Variants in RAD51B observed in about 807,000 individuals in gnomAD.
RAD51B encodes RAD51 paralog B, also known as DNA repair protein RAD51 homolog 2.
Under a neutral mutation model 42.2 loss-of-function variants are expected in RAD51B, and 38 were observed. The ratio of observed to expected loss-of-function variants is 0.90; its 90% confidence interval spans 0.70 to 1.18. The LOEUF is 1.18. Ranked by LOEUF, RAD51B falls within the 50% of genes most tolerant of loss-of-function variation. The pLI, the probability that RAD51B is intolerant of heterozygous loss-of-function variation, is 0.00. For missense variants in RAD51B, 373 were observed against 400.7 expected, an observed-to-expected ratio of 0.93 and a Z score of 0.59; for synonymous variants, 154 against 145.2, an observed-to-expected ratio of 1.06 and a Z score of -0.43.
At chr14:67,974,247 G>A (rs1433955877) in intron 7 of RAD51B, among the ~76,000 whole-genome samples, 1 of 151,978 alleles carries the variant, frequency 6.6e-6, no homozygotes, top group Non-Finnish European at 1.5e-5. Flanking sequence ...AAATTTTAGG[G>A]AATTACAATG....
At chr14:67,949,943 C>T (rs541579127) in intron 7 of RAD51B, among the ~76,000 whole-genome samples, 29 of 152,186 alleles carry the variant, frequency 1.9e-4, no homozygotes, top group African/African-American at 4.8e-4. Flanking sequence ...GTCTTAACAG[C>T]GGGCTTAAAA....
At chr14:68,610,455 AC>A (rs1476972887) in intron 10 of RAD51B, among the ~76,000 whole-genome samples, 1 of 151,952 alleles carries the variant, frequency 6.6e-6, no homozygotes, top group African/African-American at 2.4e-5. Flanking sequence ...CCTTTCAGAA[AC>A]CCATATGAGC....
chr14:68,123,289 A>C (rs1341457230), intron 7 of RAD51B, among the ~76,000 whole-genome samples: 3 of 149,246 alleles, frequency 2.0e-5, no homozygotes, highest in Non-Finnish European at 4.4e-5. Context: ...TCAGGCTCAC[A>C]TGATCCTCCC....
intron 10 of RAD51B, among the ~76,000 whole-genome samples, chr14:68,533,742 C>T (rs1005543707): frequency 2.6e-5 from 4 of 152,148 alleles, no homozygotes. Flanking sequence ...AAAATGTAGC[C>T]TTTCTGAGCA....
At chr14:68,315,516 T>G (rs574408556) in intron 8 of RAD51B, among the ~76,000 whole-genome samples, 49 of 151,814 alleles carry the variant, frequency 3.2e-4, no homozygotes, top group Non-Finnish European at 6.5e-4. Flanking sequence ...AAACTTTAGG[T>G]TTTTTTTCTT....
Position 67,861,142 on chromosome 14 carries a change from G to A in RAD51B, c.316-3861G>A, listed in dbSNP as rs529986774. Reference sequence around the variant, plus strand: ...CTGAAGGCAGAGGCTGCAGTGAGCCGTGATCATGGCACTGCACTCCAGCCT... The same window carrying A: ...CTGAAGGCAGAGGCTGCAGTGAGCCATGATCATGGCACTGCACTCCAGCCT... On this transcript the variant is annotated intron_variant, in intron 4 of 10. Transcript: ENST00000471583. Among the ~76,000 whole-genome samples the A allele has an allele frequency of 7.2e-5, 11 of 152,236 alleles. No individual in the cohort carries two copies. In the East Asian group the frequency reaches 1.9e-3, roughly 27 times the overall value.
intron 4 of RAD51B, among the ~76,000 whole-genome samples, chr14:67,863,702 G>A (rs923605908): frequency 6.6e-6 from 1 of 151,710 alleles, no homozygotes; most frequent in Non-Finnish European, 1.5e-5. Context: ...ATAGTGCATT[G>A]GTTCTAAAAA....
intron 8 of RAD51B, among the ~76,000 whole-genome samples, chr14:68,297,896 T>C (rs1394755596): frequency 1.3e-5 from 2 of 152,228 alleles, no homozygotes; most frequent in East Asian, 3.8e-4. Flanking sequence ...TGGTTACTGC[T>C]GCCTCTTAGG....
chr14:67,831,623 G>A (rs923932490), intron 3 of RAD51B, among the ~76,000 whole-genome samples: 3 of 152,030 alleles, frequency 2.0e-5, no homozygotes, highest in African/African-American at 4.8e-5. Flanking sequence ...CGCAACCTCC[G>A]CCTCCCGGGT....
intron 7 of RAD51B, among the ~76,000 whole-genome samples, chr14:68,070,981 T>C (rs559928393): frequency 6.6e-6 from 1 of 152,326 alleles, no homozygotes; most frequent in South Asian, 2.1e-4. Context: ...GTAATTCTTG[T>C]TGAGAGATCT....
chr14:67,832,135 A>G (rs2041073935), intron 3 of RAD51B, among the ~76,000 whole-genome samples: 1 of 152,174 alleles, frequency 6.6e-6, no homozygotes, highest in Non-Finnish European at 1.5e-5. Flanking sequence ...TTTAAAAAAT[A>G]TTTGTTTGTT....
chr14:68,012,139 T>C (rs2075694567), intron 7 of RAD51B, among the ~76,000 whole-genome samples: 1 of 152,130 alleles, frequency 6.6e-6, no homozygotes, highest in Admixed American at 6.6e-5. Context: ...GATTCTTCGG[T>C]CTAGATTTTC....
intron 10 of RAD51B, among the ~76,000 whole-genome samples, chr14:68,534,497 C>T (rs1887493637): frequency 6.6e-6 from 1 of 152,028 alleles, no homozygotes; most frequent in Non-Finnish European, 1.5e-5. Flanking sequence ...GCAAGGAAGC[C>T]CATTTCCCTA....
intron 8 of RAD51B, among the ~76,000 whole-genome samples, chr14:68,348,652 C>A (rs1339684931): frequency 6.6e-6 from 1 of 152,216 alleles, no homozygotes; most frequent in Admixed American, 6.5e-5. Flanking sequence ...GTAATCCCAG[C>A]ACTTTGGGAG....
intron 7 of RAD51B, among the ~76,000 whole-genome samples, chr14:67,926,795 T>A (rs2044528077): frequency 6.6e-6 from 1 of 151,972 alleles, no homozygotes; most frequent in South Asian, 2.1e-4. Context: ...AACTCCCAAC[T>A]TTGTGATCTG....
chr14:68,639,466 G>A (rs1383253770), intron 10 of RAD51B, among the ~76,000 whole-genome samples: 1 of 152,202 alleles, frequency 6.6e-6, no homozygotes, highest in East Asian at 1.9e-4. Flanking sequence ...TGGCTGATGG[G>A]TAGTCCCTGG....
chr14:68,143,381 A>T lies in RAD51B; in HGVS notation c.757-148503A>T, dbSNP rs539575057. ...GCAGAGTCCTGAATGACCAAAATGG[A>T]CTTTGTCCACACTTATGTGCTAATC... is the stretch of plus-strand genomic sequence containing the variant. On this transcript the variant is annotated intron_variant, in intron 7 of 10. Coordinates refer to ENST00000471583, the MANE Select transcript of RAD51B (RefSeq NM_133510.4). Among the ~76,000 whole-genome samples, 9 of 152,340 alleles carry T rather than the reference A, an allele frequency of 5.9e-5. No individual in the cohort carries two copies. In the East Asian group the frequency reaches 1.7e-3, roughly 29 times the overall value.
chr14:68,214,955 T>C (rs571536472), intron 7 of RAD51B, among the ~76,000 whole-genome samples: 2 of 152,302 alleles, frequency 1.3e-5, no homozygotes, highest in South Asian at 2.1e-4. Flanking sequence ...TCTAATTATA[T>C]TATGGAAAAA....
intron 7 of RAD51B, among the ~76,000 whole-genome samples, chr14:68,211,980 C>G (rs1395006692): frequency 6.6e-6 from 1 of 152,214 alleles, no homozygotes; most frequent in Non-Finnish European, 1.5e-5. Flanking sequence ...GAAAAATGCT[C>G]TGGTCAGATT....
Sources: allele counts gnomAD v4.1 joint callset (sites outside exome capture counted in the v4.1 genomes callset), GRCh38; gene constraint gnomAD v4.1.1; transcripts MANE v1.5; gene names NCBI Gene and HGNC (gene_info 2026-07-23, HGNC 2026-07-21).